Variants in IQCM observed in about 807,000 individuals in gnomAD.
IQCM encodes the protein IQ domain-containing protein M.
A neutral mutation model predicts 57.6 loss-of-function variants in IQCM; 45 were observed. The ratio of observed to expected loss-of-function variants is 0.78; its 90% CI spans 0.62 to 1.00. The LOEUF (loss-of-function observed/expected upper bound fraction) is 1.00, where lower values mean the gene tolerates loss of function less well. Among genes scored for constraint, IQCM ranks in the 50% least tolerant of loss-of-function variants. The pLI, the probability that IQCM is intolerant of heterozygous loss-of-function variation, is 0.00. For missense variants in IQCM, 468 were observed against 511.6 expected (o/e 0.91, Z 0.82); for synonymous variants, 148 against 158.9 (o/e 0.93, Z 0.51).
At chr4:149,480,180 T>C (rs1379428901) in intron 12 of IQCM, among the ~76,000 whole-genome samples, 1 of 152,194 alleles carries the variant, frequency 6.6e-6, no homozygotes, top group Non-Finnish European at 1.5e-5. Flanking sequence ...TTTTTCTTTT[T>C]AATTTTTGTG....
At chr4:149,499,708 A>G (rs956146527) in intron 12 of IQCM, among the ~76,000 whole-genome samples, 13 of 152,176 alleles carry the variant, frequency 8.5e-5, no homozygotes, top group African/African-American at 2.9e-4. Context: ...TCCAAACCTT[A>G]TATTACAGTA....
intron 8 of IQCM, among the ~76,000 whole-genome samples, chr4:149,617,998 A>G (rs1755950566): frequency 6.6e-6 from 1 of 152,206 alleles, no homozygotes; most frequent in Admixed American, 6.5e-5. Flanking sequence ...CAGGATTAGA[A>G]CAAATAATCC....
intron 8 of IQCM, among the ~76,000 whole-genome samples, chr4:149,592,925 G>T (rs1753349552): frequency 6.6e-6 from 1 of 152,170 alleles, no homozygotes; most frequent in African/African-American, 2.4e-5. Context: ...GCTTAGGATT[G>T]TCTTGGCTAT....
intron 13 of IQCM, among the ~76,000 whole-genome samples, chr4:149,355,203 C>T (rs939483158): frequency 1.8e-4 from 28 of 152,086 alleles, no homozygotes; most frequent in South Asian, 4.2e-4. Flanking sequence ...TATAAGTACA[C>T]ATAATATATC....
intron 12 of IQCM, among the ~76,000 whole-genome samples, chr4:149,542,247 T>G (rs1172137683): frequency 6.6e-6 from 1 of 152,084 alleles, no homozygotes; most frequent in Non-Finnish European, 1.5e-5. Flanking sequence ...AAAATATGCT[T>G]TTAAATTAAC....
intron 2 of IQCM, among the ~76,000 whole-genome samples, chr4:149,808,133 CA>C (rs1230170171): frequency 6.6e-6 from 1 of 152,056 alleles, no homozygotes; most frequent in Non-Finnish European, 1.5e-5. Context: ...TTCATTGCAC[CA>C]CTATTCACAA....
chr4:149,673,498 A>C (rs1761488914), intron 7 of IQCM, among the ~76,000 whole-genome samples: 1 of 152,170 alleles, frequency 6.6e-6, no homozygotes, highest in Admixed American at 6.6e-5. Flanking sequence ...ACAGACTTTA[A>C]ACCAACAAAA....
At chr4:149,813,833 C>A (rs1305133519) in intron 2 of IQCM, among the ~76,000 whole-genome samples, 1 of 151,958 alleles carries the variant, frequency 6.6e-6, no homozygotes, top group Admixed American at 6.6e-5. Context: ...CAACAGGTGC[C>A]AAAATTATTA....
chr4:149,437,531 T>C (rs1735485457), intron 12 of IQCM, among the ~76,000 whole-genome samples: 2 of 152,000 alleles, frequency 1.3e-5, no homozygotes, highest in Admixed American at 1.3e-4. Flanking sequence ...TGCTTAATAT[T>C]CAGGGTGGAT....
chr4:149,770,300 G>T (rs1020390746), intron 2 of IQCM, among the ~76,000 whole-genome samples: 1 of 152,010 alleles, frequency 6.6e-6, no homozygotes, highest in Non-Finnish European at 1.5e-5. Context: ...AAATTGACTG[G>T]ATAGCTTTTT....
intron 12 of IQCM, among the ~76,000 whole-genome samples, chr4:149,516,702 C>T (rs937906437): frequency 1.3e-5 from 2 of 151,974 alleles, no homozygotes; most frequent in African/African-American, 4.8e-5. Context: ...CACCATCACC[C>T]CTAGTGATTC....
chr4:149,361,228 G>A (rs7666240), intron 13 of IQCM, among the ~76,000 whole-genome samples: 42,873 of 152,070 alleles, frequency 0.28, 6,182 homozygotes, highest in Middle Eastern at 0.33. Flanking sequence ...GGTACTGTTA[G>A]AGGTATTCAG....
chr4:149,463,597 C>A (rs1014650882), intron 12 of IQCM, among the ~76,000 whole-genome samples: 1 of 152,110 alleles, frequency 6.6e-6, no homozygotes. Context: ...GAATGGGGAA[C>A]AATTGGTTAT....
rs151190818 is a variant in IQCM, at chr4:149,473,050, C to G, written c.1229-39493G>C. ...AGAAAACCTACGCAATACCATTCAGCACATAGGCATGGGCAAGGACTTCAT... is the reference window on the plus strand; with the variant it reads ...AGAAAACCTACGCAATACCATTCAGGACATAGGCATGGGCAAGGACTTCAT... On this transcript the variant is annotated intron_variant, in intron 12 of 13. Transcript: ENST00000636793. 1.3e-3 allele frequency among the ~76,000 whole-genome samples: 197 copies of G among 152,162 alleles called. 1 individual carries two copies. Among genetic ancestry groups the G allele is most frequent in the African/African-American group, 3.1e-3 (129 of 41,536 alleles).
chr4:149,658,352 T>C (rs1759820966), intron 7 of IQCM, among the ~76,000 whole-genome samples: 1 of 152,110 alleles, frequency 6.6e-6, no homozygotes, highest in Non-Finnish European at 1.5e-5. Context: ...TTTTGTTCCC[T>C]TGGTCTATGT....
Position 149,742,628 on chromosome 4 carries a change from CTA to C in IQCM, c.37+25_37+26del, listed in dbSNP as rs984156053. Reference sequence around the variant, plus strand: ...AACAGTTGGAGTGTTATGACTTGTACTATGTTAGGTAAGCACAGATACTCACA... The same window carrying C: ...AACAGTTGGAGTGTTATGACTTGTACTGTTAGGTAAGCACAGATACTCACA... On this transcript the variant is annotated intron_variant, in intron 3 of 13. Transcript: ENST00000636793. The C allele has an allele frequency of 2.1e-5, 26 of 1,215,920 alleles. No homozygotes were observed. The African/African-American group carries it at 3.7e-4, about 18-fold the overall frequency. 75.3% of individuals were successfully genotyped at this position (1,215,920 alleles called of 1,614,324 possible).
chr4:149,451,511 A>C (rs1003028776), intron 12 of IQCM, among the ~76,000 whole-genome samples: 54 of 151,734 alleles, frequency 3.6e-4, no homozygotes, highest in African/African-American at 1.3e-3. Flanking sequence ...TTAAAAAAGC[A>C]TTATGAGTAA....
At chr4:149,655,466 T>C (rs1759556182) in intron 7 of IQCM, among the ~76,000 whole-genome samples, 1 of 152,176 alleles carries the variant, frequency 6.6e-6, no homozygotes, top group Non-Finnish European at 1.5e-5. Flanking sequence ...TTTTCATGTT[T>C]TCCTAAAGAA....
chr4:149,480,292 T>A (rs919625124), intron 12 of IQCM, among the ~76,000 whole-genome samples: 2 of 152,188 alleles, frequency 1.3e-5, no homozygotes, highest in Non-Finnish European at 2.9e-5. Flanking sequence ...AAGTTATTTT[T>A]AAATACACAC....
Sources: gnomAD v4.1 joint callset for allele counts (sites outside exome capture counted in the v4.1 genomes callset) on GRCh38, gnomAD v4.1.1 for gene constraint, MANE v1.5 for transcripts, NCBI Gene and HGNC (gene_info 2026-07-23, HGNC 2026-07-21) for gene names.